The following SPTLC1 variants were observed in gnomAD, a reference collection of about 807,000 sequenced individuals.
SPTLC1 encodes the protein serine palmitoyltransferase 1.
In SPTLC1, 55 loss-of-function variants were observed where a neutral mutation model predicts 68.9. That is an observed-to-expected ratio of 0.80 (90% CI 0.64 to 1.00). The LOEUF is 1.00. Ranked by LOEUF, SPTLC1 falls within the 50% of genes least tolerant of loss-of-function variation. The pLI, the probability that SPTLC1 is intolerant of heterozygous loss-of-function variation, is 0.00. For missense variants in SPTLC1, 449 were observed against 573.1 expected (o/e 0.78, Z 2.21); for synonymous variants, 197 against 201.6 (o/e 0.98, Z 0.19).
At chr9:92,114,754 T>A (rs76208582) in intron 1 of SPTLC1, among the ~76,000 whole-genome samples, 1 of 103,594 alleles carries the variant, frequency 9.7e-6, no homozygotes, top group African/African-American at 3.0e-5. Flanking sequence ...AAAACAAAAA[T>A]AAATAAATAA....
At chr9:92,034,991 A>G in intron 13 of SPTLC1, 108 bp from the exon 14 acceptor site, 8 of 925,230 alleles carry the variant, frequency 8.6e-6, no homozygotes, top group Non-Finnish European at 1.3e-5. Flanking sequence ...CACTTTTCCA[A>G]TTATAATTGC....
At chr9:92,104,690 G>A (rs969972978) in intron 3 of SPTLC1, 2 of 1,527,910 alleles carry the variant, frequency 1.3e-6, no homozygotes, top group South Asian at 1.2e-5. Context: ...GGAGGTGAAA[G>A]ACCAGGTAGA....
chr9:92,100,283 C>T (rs537489663), intron 3 of SPTLC1, among the ~76,000 whole-genome samples: 58 of 152,286 alleles, frequency 3.8e-4, no homozygotes, highest in Non-Finnish European at 8.4e-4. Context: ...TTGATGCCCA[C>T]AGGGCTATAC....
intron 12 of SPTLC1, among the ~76,000 whole-genome samples, chr9:92,039,044 A>C (rs1833251326): frequency 6.6e-6 from 1 of 152,190 alleles, no homozygotes; most frequent in African/African-American, 2.4e-5. Flanking sequence ...CTAGTTGGGA[A>C]GCTCAGGTGG....
chr9:92,112,836 G>C (rs906492668), intron 1 of SPTLC1, among the ~76,000 whole-genome samples: 3 of 152,168 alleles, frequency 2.0e-5, no homozygotes, highest in Admixed American at 6.5e-5. Flanking sequence ...GGCCAGGCGT[G>C]GTGGCTCATA....
In SPTLC1 at chr9:92,038,310, G is replaced by C; in HGVS notation, c.1192C>G (p.Leu398Val). 6.2e-7 allele frequency: 1 copy of C among 1,614,158 alleles called. No individual in the cohort carries two copies. The highest frequency in any genetic ancestry group is 8.5e-7 in the Non-Finnish European group (1 of 1,180,018). Residue 398 changes from leucine to valine, a missense_variant, in exon 13 of 15, where the codon CTG becomes GTG. Leu to Val is a conservative substitution (Grantham distance 32). This residue lies in a region of SPTLC1 where 391 missense variants were observed against 472.1 expected (regional missense o/e 0.83). Coordinates refer to ENST00000262554, the MANE Select transcript of SPTLC1 (RefSeq NM_006415.4). ...TCGCGAGACCCAGTGCTCTCTTCCA[G>C]TTGTAGGTGAAAGGCTGGAGAAAGG... is the stretch of plus-strand genomic sequence containing the variant. ...ESLSPAFHLQ[L>V]EESTGSREQD...
chr9:92,062,731 G>A (rs998058413), intron 6 of SPTLC1, among the ~76,000 whole-genome samples: 6 of 152,128 alleles, frequency 3.9e-5, no homozygotes, highest in African/African-American at 1.4e-4. Flanking sequence ...AACTACCCAG[G>A]AGGCTGAAGC....
At chr9:92,076,896 A>C (rs1475896684) in intron 5 of SPTLC1, 1 of 152,196 alleles carries the variant, frequency 6.6e-6, no homozygotes, top group Non-Finnish European at 1.5e-5. Flanking sequence ...TTCTTCTAAC[A>C]GACATAATTC....
At chr9:92,083,833 G>C (rs1457037234) in intron 3 of SPTLC1, among the ~76,000 whole-genome samples, 1 of 152,186 alleles carries the variant, frequency 6.6e-6, no homozygotes, top group Non-Finnish European at 1.5e-5. Flanking sequence ...ACCTGGGGAA[G>C]TATGGCCATT....
chr9:92,046,148 T>C, intron 11 of SPTLC1, 95 bp from the exon 12 acceptor site: 1 of 1,047,792 alleles, frequency 9.5e-7, no homozygotes. Context: ...TTCATCAATT[T>C]AAAATGCTAC....
At chr9:92,058,795 AT>A (rs1368774244) in intron 7 of SPTLC1, among the ~76,000 whole-genome samples, 2 of 152,180 alleles carry the variant, frequency 1.3e-5, no homozygotes, top group Non-Finnish European at 2.9e-5. Flanking sequence ...TTGATACATG[AT>A]TTATTCTGGT....
chr9:92,114,001 T>C (rs1042539876), intron 1 of SPTLC1, among the ~76,000 whole-genome samples: 1 of 152,020 alleles, frequency 6.6e-6, no homozygotes, highest in Admixed American at 6.6e-5. Flanking sequence ...CAGCTGGGTG[T>C]GGTAGCTCAT....
At chr9:92,070,239 G>C (rs1253313782) in intron 5 of SPTLC1, 2 of 152,130 alleles carry the variant, frequency 1.3e-5, no homozygotes, top group Non-Finnish European at 2.9e-5. Context: ...GGTAAATATG[G>C]GTAACTGAAG....
In SPTLC1 at chr9:92,038,297, G is replaced by C; in HGVS notation, c.1205C>G (p.Thr402Ser). Residue 402 changes from threonine (T) to serine (S), a missense_variant, in exon 13 of 15, where the codon ACT (threonine) becomes AGT (serine). This residue lies in a region of SPTLC1 where 391 missense variants were observed against 472.1 expected (regional missense o/e 0.83). Coordinates refer to ENST00000262554, the MANE Select transcript of SPTLC1 (RefSeq NM_006415.4). ...TCTGACATCTTGCTCGCGAGACCCA[G>C]TGCTCTCTTCCAGTTGTAGGTGAAA... ...PAFHLQLEES[T>S]GSREQDVRLL... 2 of 1,614,188 alleles carry C rather than the reference G, an allele frequency of 1.2e-6. No homozygotes were observed. Among genetic ancestry groups the C allele is most frequent in the Non-Finnish European group, 1.7e-6 (2 of 1,180,014 alleles).
chr9:92,101,581 A>G (rs1224759173), intron 3 of SPTLC1, among the ~76,000 whole-genome samples: 36 of 117,588 alleles, frequency 3.1e-4, no homozygotes, highest in African/African-American at 1.7e-3. Context: ...AAAAAAAAAA[A>G]AGAGAAAAGA....
chr9:92,061,634 T>C (rs1834105902), intron 6 of SPTLC1, among the ~76,000 whole-genome samples: 1 of 152,228 alleles, frequency 6.6e-6, no homozygotes. Flanking sequence ...TTCTAAATTA[T>C]TTTGGACAGT....
chr9:92,060,184 C>T lies in SPTLC1; in HGVS notation c.561-876G>A, dbSNP rs185432074. Among the ~76,000 whole-genome samples, 185 of 152,278 alleles carry T rather than the reference C, an allele frequency of 1.2e-3. 1 individual carries two copies. The highest frequency in any genetic ancestry group is 3.2e-3 in the African/African-American group (135 of 41,554). ...GCAGTATGAGGCAGCAGTCCCCTAGCCCCTTCCCCTGTTGGAATCATGTCA... is the reference window on the plus strand; with the variant it reads ...GCAGTATGAGGCAGCAGTCCCCTAGTCCCTTCCCCTGTTGGAATCATGTCA... On this transcript the variant is annotated intron_variant, in intron 6 of 14. Transcript: ENST00000262554.
At chr9:92,083,865 A>C (rs1036422995) in intron 3 of SPTLC1, among the ~76,000 whole-genome samples, 14 of 152,160 alleles carry the variant, frequency 9.2e-5, no homozygotes, top group Non-Finnish European at 1.9e-4. Flanking sequence ...GATTCTTCCT[A>C]CCCATGAGCA....
chr9:92,086,990 A>T (rs1835165841), intron 3 of SPTLC1, among the ~76,000 whole-genome samples: 1 of 151,848 alleles, frequency 6.6e-6, no homozygotes, highest in Admixed American at 6.6e-5. Flanking sequence ...CATTTCATTC[A>T]TTTCATCTTC....
Sources: allele counts gnomAD v4.1 joint callset (sites outside exome capture counted in the v4.1 genomes callset), GRCh38; gene constraint gnomAD v4.1.1; regional missense constraint gnomAD v4.1.1; transcripts MANE v1.5; gene names NCBI Gene and HGNC (gene_info 2026-07-23, HGNC 2026-07-21).